ELP4: variants seen among roughly 807,000 people sequenced by gnomAD.
ELP4 encodes the protein elongator complex protein 4.
ELP4 carries 51 observed loss-of-function variants against 48.9 expected under a neutral mutation model. The ratio of observed to expected loss-of-function variants is 1.04; its 90% confidence interval spans 0.83 to 1.32. The LOEUF is 1.32. Ranked by LOEUF, ELP4 falls within the 40% of genes most tolerant of loss-of-function variation. The probability of loss-of-function intolerance (pLI) is 0.00; values close to 1 mark genes in which losing one functional copy is unlikely to be tolerated. For synonymous variants in ELP4, 210 were observed against 189.2 expected (o/e 1.11, Z -0.90); for missense variants, 519 against 514.6 (o/e 1.01, Z -0.08).
chr11:31,725,336 G>C (rs1252499679), intron 9 of ELP4, among the ~76,000 whole-genome samples: 1 of 152,146 alleles, frequency 6.6e-6, no homozygotes, highest in Non-Finnish European at 1.5e-5. Flanking sequence ...ATCTTGGGTA[G>C]AACACCAGCA....
Position 31,647,713 on chromosome 11 carries a change from G to A in ELP4, c.928-28G>A, listed in dbSNP as rs375515034. The A allele has an allele frequency of 3.2e-5, 42 of 1,313,254 alleles. No individual in the cohort carries two copies. The Admixed American group carries it at 3.9e-4, about 12-fold the overall frequency. 81.4% of individuals were successfully genotyped at this position (1,313,254 alleles called of 1,614,324 possible). On this transcript the variant is annotated intron_variant, in intron 7 of 9. Transcript: ENST00000640961. ...TTATACTATTAACATAATATTTAACGTTACTGTTTTGTTTCCATGTTTTGC... is the reference window on the plus strand; with the variant it reads ...TTATACTATTAACATAATATTTAACATTACTGTTTTGTTTCCATGTTTTGC...
At chr11:31,548,050 G>A (rs2133921810) in intron 3 of ELP4, among the ~76,000 whole-genome samples, 1 of 152,238 alleles carries the variant, frequency 6.6e-6, no homozygotes, top group East Asian at 1.9e-4. Context: ...GGCAAAAACT[G>A]GAAGCATTCC....
intron 2 of ELP4, among the ~76,000 whole-genome samples, chr11:31,523,038 A>AT (rs1956240406): frequency 1.5e-5 from 2 of 137,032 alleles, no homozygotes; most frequent in Non-Finnish European, 3.3e-5. Context: ...TTTATTTATT[A>AT]ATTTTTTTTT....
intron 9 of ELP4, chr11:31,654,226 A>G (rs1401116938): frequency 7.5e-6 from 1 of 132,618 alleles, no homozygotes; most frequent in Non-Finnish European, 1.7e-5. Context: ...AACTGGGTTA[A>G]CACTGAAATA....
At chr11:31,511,912 A>G (rs1956016822) in intron 1 of ELP4, 1 of 152,236 alleles carries the variant, frequency 6.6e-6, no homozygotes, top group African/African-American at 2.4e-5. Flanking sequence ...CTGTTCATTA[A>G]GATGGTAGAA....
At position 31,525,986 on chromosome 11, in the gene ELP4, A is replaced by G. The variant is rs115695568; in HGVS notation, c.259+5895A>G. Among the ~76,000 whole-genome samples, 1,127 of 152,184 alleles carry G rather than the reference A, an allele frequency of 7.4e-3. 19 individuals are homozygous for G. The highest frequency in any genetic ancestry group is 0.026 in the African/African-American group (1,085 of 41,510). ...AGACCTTTCCAGTTTGCCCTCTATA[A>G]CACCTATTTCATGTAAAATAAACTC... On this transcript the variant is annotated intron_variant, in intron 2 of 9. Coordinates refer to ENST00000640961, the MANE Select transcript of ELP4 (RefSeq NM_019040.5).
chr11:31,766,647 G>A (rs1948048189), intron 9 of ELP4, among the ~76,000 whole-genome samples: 1 of 151,780 alleles, frequency 6.6e-6, no homozygotes, highest in African/African-American at 2.4e-5. Context: ...ATACAAGACA[G>A]GTAATAGATT....
At chr11:31,632,898 T>A (rs1000109068) in intron 7 of ELP4, 16 of 152,178 alleles carry the variant, frequency 1.1e-4, no homozygotes, top group Non-Finnish European at 1.5e-5. Context: ...TTAGTTTCTT[T>A]AATTAATATT....
intron 9 of ELP4, among the ~76,000 whole-genome samples, chr11:31,719,118 G>C (rs12283882): frequency 0.067 from 10,206 of 152,108 alleles, 895 homozygotes; most frequent in African/African-American, 0.2. Context: ...AATTAGCCAG[G>C]TGTGGTGGTG....
intron 9 of ELP4, among the ~76,000 whole-genome samples, chr11:31,741,107 C>T (rs1049335708): frequency 2.6e-5 from 4 of 152,004 alleles, no homozygotes; most frequent in African/African-American, 4.8e-5. Flanking sequence ...GTACCTGTCT[C>T]GGAGGGTCCT....
intron 9 of ELP4, among the ~76,000 whole-genome samples, chr11:31,732,068 A>G (rs1947201106): frequency 6.6e-6 from 1 of 152,186 alleles, no homozygotes; most frequent in African/African-American, 2.4e-5. Context: ...GAGTCCTTCA[A>G]GTTGAAATGA....
chr11:31,576,773 C>G (rs1459093139), intron 3 of ELP4, among the ~76,000 whole-genome samples: 2 of 152,156 alleles, frequency 1.3e-5, no homozygotes, highest in African/African-American at 4.8e-5. Flanking sequence ...ACCAGAATCT[C>G]TGGGACACAT....
chr11:31,763,592 A>G (rs770287722), intron 9 of ELP4: 4 of 1,544,546 alleles, frequency 2.6e-6, no homozygotes, highest in Admixed American at 3.8e-5. Context: ...CTACTGAAAG[A>G]GGGATTTGTT....
chr11:31,699,927 G>C (rs1400697132), intron 9 of ELP4, among the ~76,000 whole-genome samples: 2 of 152,140 alleles, frequency 1.3e-5, no homozygotes, highest in Non-Finnish European at 2.9e-5. Flanking sequence ...TTGGAAAAAT[G>C]TCAAGAACAT....
chr11:31,750,307 A>T lies in ELP4; in HGVS notation c.1144-33086A>T, dbSNP rs551121943. ...GGAAATCAGCCTCAGTGTGGGTAGCATAGCTCTCAAGAGTTGTGGTGAGGC... is the reference window on the plus strand; with the variant it reads ...GGAAATCAGCCTCAGTGTGGGTAGCTTAGCTCTCAAGAGTTGTGGTGAGGC... On this transcript the variant is annotated intron_variant, in intron 9 of 9. Transcript: ENST00000640961. Among the ~76,000 whole-genome samples the T allele has an allele frequency of 2.6e-5, 4 of 152,336 alleles. No homozygotes were observed. In the South Asian group the frequency reaches 8.3e-4, roughly 32 times the overall value.
chr11:31,512,844 A>G (rs1458964112), intron 1 of ELP4, among the ~76,000 whole-genome samples: 5 of 138,970 alleles, frequency 3.6e-5, no homozygotes, highest in African/African-American at 1.1e-4. Flanking sequence ...AAAGGTATAT[A>G]CTCCATCATA....
At chr11:31,568,491 A>G (rs763012285) in intron 3 of ELP4, among the ~76,000 whole-genome samples, 21 of 152,340 alleles carry the variant, frequency 1.4e-4, no homozygotes, top group South Asian at 6.2e-4. Flanking sequence ...AGCAAAAAGA[A>G]CAAAACAAGA....
At chr11:31,537,354 A>C (rs1956517751) in intron 2 of ELP4, among the ~76,000 whole-genome samples, 1 of 152,194 alleles carries the variant, frequency 6.6e-6, no homozygotes, top group Non-Finnish European at 1.5e-5. Flanking sequence ...TTCCACTGAT[A>C]TATATTTCTG....
At chr11:31,536,374 C>T (rs1196167606) in intron 2 of ELP4, among the ~76,000 whole-genome samples, 2 of 152,026 alleles carry the variant, frequency 1.3e-5, no homozygotes, top group East Asian at 1.9e-4. Flanking sequence ...TTGTTTGAGA[C>T]GGCGTCTTGC....
Sources: gnomAD v4.1 joint callset for allele counts (sites outside exome capture counted in the v4.1 genomes callset) on GRCh38, gnomAD v4.1.1 for gene constraint, MANE v1.5 for transcripts, NCBI Gene and HGNC (gene_info 2026-07-23, HGNC 2026-07-21) for gene names.